C8orf34: variants seen among roughly 807,000 people sequenced by gnomAD.
C8orf34 encodes the protein uncharacterized protein C8orf34.
In C8orf34, 65 loss-of-function variants were observed where a neutral mutation model predicts 68.3. The observed-to-expected ratio is 0.95, with a 90% CI of 0.78 to 1.17. C8orf34 has a LOEUF of 1.17. Among genes scored for constraint, C8orf34 ranks in the 50% most tolerant of loss-of-function variants. The probability of loss-of-function intolerance (pLI) is 0.00; values close to 1 mark genes in which losing one functional copy is unlikely to be tolerated. For missense variants in C8orf34, 664 were observed against 655.4 expected, an observed-to-expected ratio of 1.01 and a Z score of -0.14; for synonymous variants, 244 against 241.2, an observed-to-expected ratio of 1.01 and a Z score of -0.11.
chr8:68,390,256 C>T (rs558710703), intron 1 of C8orf34, among the ~76,000 whole-genome samples: 23 of 152,148 alleles, frequency 1.5e-4, no homozygotes, highest in African/African-American at 4.8e-4. Context: ...TGTGTTAGTG[C>T]CTTGGGTTGC....
chr8:68,497,390 A>C (rs1813571304), intron 5 of C8orf34, among the ~76,000 whole-genome samples: 1 of 152,246 alleles, frequency 6.6e-6, no homozygotes, highest in Admixed American at 6.5e-5. Flanking sequence ...GGAAACACAG[A>C]CAATTTCACA....
At chr8:68,525,526 G>T (rs1303793474) in intron 6 of C8orf34, 5 of 798,924 alleles carry the variant, frequency 6.3e-6, no homozygotes, top group South Asian at 1.5e-5. Context: ...CCTAGAAAAA[G>T]AATCCCAGGA....
intron 7 of C8orf34, among the ~76,000 whole-genome samples, chr8:68,569,267 T>C (rs1816692809): frequency 6.6e-6 from 1 of 152,234 alleles, no homozygotes; most frequent in Non-Finnish European, 1.5e-5. Context: ...ATTATGGGAA[T>C]TCACCACGCA....
At position 68,735,344 on chromosome 8, in the gene C8orf34, G is replaced by T. The variant is rs16934977; in HGVS notation, c.1404+13907G>T. Among the ~76,000 whole-genome samples the T allele has an allele frequency of 3.3e-3, 498 of 152,262 alleles. 4 individuals are homozygous for T. Among genetic ancestry groups the T allele is most frequent in the African/African-American group, 0.011 (474 of 41,562 alleles). ...AACTTTGAAATTACCCATTCAAACT[G>T]TTCTGAAATTTCAATGTTTATCCTA... On this transcript the variant is annotated intron_variant, in intron 10 of 13. Coordinates refer to ENST00000518698, the MANE Select transcript of C8orf34 (RefSeq NM_052958.4).
chr8:68,379,367 T>G (rs1056092229), intron 1 of C8orf34, among the ~76,000 whole-genome samples: 6 of 152,216 alleles, frequency 3.9e-5, no homozygotes, highest in Non-Finnish European at 7.3e-5. Context: ...CCATGAAGGA[T>G]CTGTTTCCTT....
At chr8:68,744,291 G>C (rs1287378833) in intron 10 of C8orf34, among the ~76,000 whole-genome samples, 3 of 152,138 alleles carry the variant, frequency 2.0e-5, no homozygotes, top group Admixed American at 6.5e-5. Flanking sequence ...GGAAAAAACA[G>C]AGCAGAAAAA....
At chr8:68,525,407 C>T (rs190542810) in intron 6 of C8orf34, 15 of 381,436 alleles carry the variant, frequency 3.9e-5, no homozygotes, top group African/African-American at 2.9e-4. Context: ...AAAATTATAC[C>T]TCATAACTTA....
chr8:68,532,990 A>C lies in C8orf34; in HGVS notation c.946A>C (p.Met316Leu). 6.3e-7 allele frequency: 1 copy of C among 1,581,932 alleles called. No homozygotes were observed. The highest frequency in any genetic ancestry group is 2.2e-5 in the East Asian group (1 of 44,680). The change falls in exon 7 of 14, where the codon ATG becomes CTG. Residue 316 changes from methionine to leucine, a missense_variant. Transcript: ENST00000518698. ...ATTTAAATATTTCTTCAGCTTAAAG[A>C]TGGAGCCTAAGAACAAAGGATTAAA... ...SGSSPAGSLKMEPKNKGLKQQ... is the reference protein window; with the variant it reads ...SGSSPAGSLKLEPKNKGLKQQ...
chr8:68,406,746 C>T (rs1312628202), intron 1 of C8orf34, among the ~76,000 whole-genome samples: 2 of 152,094 alleles, frequency 1.3e-5, no homozygotes, highest in African/African-American at 4.8e-5. Context: ...CCACTCACCT[C>T]GGCCTCCCAA....
At chr8:68,762,330 A>T (rs950851303) in intron 10 of C8orf34, among the ~76,000 whole-genome samples, 2 of 147,884 alleles carry the variant, frequency 1.4e-5, no homozygotes, top group African/African-American at 5.3e-5. Flanking sequence ...CAGTGACCAT[A>T]AGATGATTTA....
intron 1 of C8orf34, among the ~76,000 whole-genome samples, chr8:68,384,384 G>A (rs549356803): frequency 6.6e-6 from 1 of 152,174 alleles, no homozygotes; most frequent in South Asian, 2.1e-4. Context: ...CCAACAATAT[G>A]TTTGGAATGC....
intron 5 of C8orf34, among the ~76,000 whole-genome samples, chr8:68,505,644 T>C (rs1364938730): frequency 7.8e-6 from 1 of 128,686 alleles, no homozygotes; most frequent in Non-Finnish European, 1.5e-5. Context: ...GGCAGGAGAA[T>C]GGCGTGAACC....
chr8:68,454,374 C>T (rs535539592), intron 3 of C8orf34, among the ~76,000 whole-genome samples: 89 of 152,044 alleles, frequency 5.9e-4, no homozygotes, highest in Non-Finnish European at 1.0e-3. Context: ...TTGAATTTAC[C>T]AGGGAAGCCG....
At chr8:68,348,385 G>T (rs1350365302) in intron 1 of C8orf34, among the ~76,000 whole-genome samples, 15 of 152,080 alleles carry the variant, frequency 9.9e-5, no homozygotes, top group African/African-American at 3.6e-4. Context: ...ATAGTTTGAA[G>T]TTGGGTTATG....
chr8:68,746,968 T>G (rs1241720042), intron 10 of C8orf34, among the ~76,000 whole-genome samples: 1 of 147,034 alleles, frequency 6.8e-6, no homozygotes, highest in African/African-American at 2.5e-5. Flanking sequence ...TGATGAACAT[T>G]GATGCAAAAA....
intron 1 of C8orf34, among the ~76,000 whole-genome samples, chr8:68,421,448 A>G (rs879745453): frequency 8.4e-4 from 128 of 152,346 alleles, no homozygotes; most frequent in African/African-American, 3.0e-3. Flanking sequence ...TTGCCAAAGG[A>G]CCAGGAAACC....
chr8:68,402,819 C>T (rs193176409), intron 1 of C8orf34, among the ~76,000 whole-genome samples: 1 of 152,194 alleles, frequency 6.6e-6, no homozygotes, highest in Non-Finnish European at 1.5e-5. Context: ...ATTTTGAGGT[C>T]TATCTTGGAG....
At chr8:68,793,201 C>T (rs1436568755) in intron 12 of C8orf34, among the ~76,000 whole-genome samples, 2 of 151,956 alleles carry the variant, frequency 1.3e-5, no homozygotes, top group Non-Finnish European at 2.9e-5. Context: ...TAAAAAACAA[C>T]AAGAAAAAGC....
At chr8:68,612,486 C>T (rs556039420) in intron 7 of C8orf34, among the ~76,000 whole-genome samples, 59 of 151,236 alleles carry the variant, frequency 3.9e-4, no homozygotes, top group Admixed American at 2.0e-3. Flanking sequence ...TATCTTGCCC[C>T]GGCTCAAGAA....
Sources: gnomAD v4.1 joint callset for allele counts (sites outside exome capture counted in the v4.1 genomes callset) on GRCh38, gnomAD v4.1.1 for gene constraint, MANE v1.5 for transcripts, NCBI Gene and HGNC (gene_info 2026-07-23, HGNC 2026-07-21) for gene names.